Variants in CDC42BPA observed in about 807,000 individuals in gnomAD.
CDC42BPA encodes CDC42 binding protein kinase alpha.
In CDC42BPA, 80 loss-of-function variants were observed where a neutral mutation model predicts 223.5. That is an observed-to-expected ratio of 0.36 (90% confidence interval 0.30 to 0.43). The LOEUF is 0.43. CDC42BPA is among the 20% of genes least tolerant of loss of function. The pLI is 1.00. For missense variants in CDC42BPA, 1,743 were observed against 2,099.9 expected (o/e 0.83, Z 3.32); for synonymous variants, 694 against 718.6 (o/e 0.97, Z 0.55).
At chr1:227,056,592 A>C (rs181547969) in intron 21 of CDC42BPA, among the ~76,000 whole-genome samples, 85 of 152,150 alleles carry the variant, frequency 5.6e-4, no homozygotes, top group Non-Finnish European at 1.1e-3. Context: ...GGGTCTCCCT[A>C]TGTTGCCCAG....
chr1:227,190,927 A>G (rs957752315), intron 5 of CDC42BPA, among the ~76,000 whole-genome samples: 3 of 152,224 alleles, frequency 2.0e-5, no homozygotes, highest in African/African-American at 7.2e-5. Flanking sequence ...AAATTGTTAT[A>G]ACAGAGAAAC....
At chr1:227,148,509 T>C (rs1295087629) in intron 6 of CDC42BPA, among the ~76,000 whole-genome samples, 1 of 152,160 alleles carries the variant, frequency 6.6e-6, no homozygotes, top group Non-Finnish European at 1.5e-5. Context: ...ATTTTAGCAA[T>C]ACTGAGATTA....
chr1:227,310,655 C>A (rs1480998710), intron 1 of CDC42BPA, among the ~76,000 whole-genome samples: 5 of 151,542 alleles, frequency 3.3e-5, no homozygotes, highest in African/African-American at 1.2e-4. Flanking sequence ...AAAAGGAAGT[C>A]CCCCAGATTT....
rs1173859851 is a variant in CDC42BPA at position 227,031,331 on chromosome 1, G to T, written c.3742C>A (p.Leu1248Ile). The T allele has an allele frequency of 4.3e-6, 7 of 1,613,996 alleles. No homozygotes were observed. Among genetic ancestry groups the T allele is most frequent in the Non-Finnish European group, 5.9e-6 (7 of 1,179,932 alleles). The change falls in exon 28 of 37, where the codon CTC becomes ATC. Residue 1248 changes from leucine (L) to isoleucine (I), a missense_variant. Around this residue, in one of 6 missense-constraint regions of CDC42BPA, gnomAD observed 678 missense variants for 777.5 expected, o/e 0.87. Coordinates refer to ENST00000366766, the MANE Select transcript of CDC42BPA (RefSeq NM_001394014.1). ...GCGGCTGCCTGGGTTGTTTTAATGA[G>T]GGGTAGAGTGCTGTCATAAGCCTCT... ...PKEAYDSTLP[L>I]IKTTQAAAII...
intron 2 of CDC42BPA, among the ~76,000 whole-genome samples, chr1:227,223,612 G>A (rs1341626030): frequency 6.6e-6 from 1 of 152,148 alleles, no homozygotes; most frequent in Non-Finnish European, 1.5e-5. Flanking sequence ...AGACTAGAGA[G>A]TGAGAAATCT....
chr1:227,154,189 G>A (rs761262313), intron 6 of CDC42BPA, among the ~76,000 whole-genome samples: 1 of 151,882 alleles, frequency 6.6e-6, no homozygotes, highest in Non-Finnish European at 1.5e-5. Flanking sequence ...CATCTTGATG[G>A]ATGCAGAGAA....
At chr1:227,017,687 T>A (rs1033844021) in intron 32 of CDC42BPA, among the ~76,000 whole-genome samples, 1 of 152,162 alleles carries the variant, frequency 6.6e-6, no homozygotes, top group African/African-American at 2.4e-5. Flanking sequence ...AGCAACCCAG[T>A]GATAGTCTTA....
intron 10 of CDC42BPA, among the ~76,000 whole-genome samples, chr1:227,137,231 G>A (rs953635553): frequency 2.0e-5 from 3 of 152,070 alleles, no homozygotes; most frequent in Non-Finnish European, 4.4e-5. Context: ...CACAAGACTA[G>A]ATATCCAAAT....
chr1:227,179,748 G>C (rs572567262), intron 5 of CDC42BPA, among the ~76,000 whole-genome samples: 58 of 141,228 alleles, frequency 4.1e-4, no homozygotes, highest in African/African-American at 1.5e-3. Flanking sequence ...ATACAAAAAG[G>C]TAGACATCTT....
chr1:227,216,721 A>G (rs1466790231), intron 2 of CDC42BPA, among the ~76,000 whole-genome samples: 4 of 152,332 alleles, frequency 2.6e-5, no homozygotes, highest in African/African-American at 9.6e-5. Flanking sequence ...AACATATAAC[A>G]GTGTAGTCTG....
At chr1:227,151,058 T>C (rs1240649747) in intron 6 of CDC42BPA, among the ~76,000 whole-genome samples, 1 of 152,158 alleles carries the variant, frequency 6.6e-6, no homozygotes, top group Non-Finnish European at 1.5e-5. Flanking sequence ...TTCAATGGCA[T>C]AAGTACCTTC....
At chr1:227,271,127 A>C (rs1252219365) in intron 1 of CDC42BPA, among the ~76,000 whole-genome samples, 1 of 152,192 alleles carries the variant, frequency 6.6e-6, no homozygotes, top group African/African-American at 2.4e-5. Flanking sequence ...ATAATACTTA[A>C]TGTGATATCT....
At chr1:227,243,755 G>A (rs909135292) in intron 2 of CDC42BPA, among the ~76,000 whole-genome samples, 3 of 106,170 alleles carry the variant, frequency 2.8e-5, no homozygotes, top group African/African-American at 7.3e-5. Flanking sequence ...GAAAAGATTT[G>A]TCACACACAC....
chr1:227,193,473 C>T (rs2150149325), intron 5 of CDC42BPA, among the ~76,000 whole-genome samples: 1 of 152,132 alleles, frequency 6.6e-6, no homozygotes, highest in South Asian at 2.1e-4. Context: ...ATAGTGTACC[C>T]TGTACCCATA....
At chr1:227,080,552 G>T (rs1680423115) in intron 17 of CDC42BPA, among the ~76,000 whole-genome samples, 1 of 152,006 alleles carries the variant, frequency 6.6e-6, no homozygotes, top group South Asian at 2.1e-4. Flanking sequence ...ACAAATACAG[G>T]ACTTTTGGTC....
At chr1:227,219,434 G>C (rs1675444789) in intron 2 of CDC42BPA, 1 of 152,160 alleles carries the variant, frequency 6.6e-6, no homozygotes, top group Non-Finnish European at 1.5e-5. Flanking sequence ...AAAGCAAAAA[G>C]GAAAACCCAG....
intron 21 of CDC42BPA, among the ~76,000 whole-genome samples, chr1:227,061,307 CATA>C (rs922849511): frequency 9.9e-5 from 15 of 152,144 alleles, no homozygotes; most frequent in South Asian, 2.1e-4. Context: ...CCTTAATAAT[CATA>C]ATAACATTTA....
chr1:227,007,212 T>C (rs1381173504), intron 34 of CDC42BPA, among the ~76,000 whole-genome samples: 1 of 152,224 alleles, frequency 6.6e-6, no homozygotes, highest in Non-Finnish European at 1.5e-5. Context: ...TGAAAACAGA[T>C]GTTCTCTTCA....
At chr1:227,244,811 T>C (rs1680630275) in intron 2 of CDC42BPA, among the ~76,000 whole-genome samples, 1 of 152,198 alleles carries the variant, frequency 6.6e-6, no homozygotes, top group African/African-American at 2.4e-5. Context: ...GAATCATGGA[T>C]GCCACCCCTA....
Sources: allele counts gnomAD v4.1 joint callset (sites outside exome capture counted in the v4.1 genomes callset), GRCh38; gene constraint gnomAD v4.1.1; regional missense constraint gnomAD v4.1.1; transcripts MANE v1.5; gene names NCBI Gene and HGNC (gene_info 2026-07-23, HGNC 2026-07-21).